CSGALNACT1: variants seen among roughly 807,000 people sequenced by gnomAD.
CSGALNACT1 encodes chondroitin sulfate N-acetylgalactosaminyltransferase 1.
A neutral mutation model predicts 51.0 loss-of-function variants in CSGALNACT1; 52 were observed. That is an observed-to-expected ratio of 1.02 (90% CI 0.82 to 1.29). The LOEUF is 1.29. CSGALNACT1 is among the 50% of genes most tolerant of loss of function. The pLI is 0.00. For missense variants in CSGALNACT1, 935 were observed against 679.2 expected, an observed-to-expected ratio of 1.38 and a Z score of -4.19; for synonymous variants, 341 against 254.4, an observed-to-expected ratio of 1.34 and a Z score of -3.24.
chr8:19,484,762 G>C (rs972770847), intron 4 of CSGALNACT1, among the ~76,000 whole-genome samples: 6 of 152,180 alleles, frequency 3.9e-5, no homozygotes, highest in Non-Finnish European at 7.3e-5. Flanking sequence ...AAGTACTTTT[G>C]TGGGCTTTTA....
intron 1 of CSGALNACT1, among the ~76,000 whole-genome samples, chr8:19,701,153 G>GTTTTTTGT (rs2061847152): frequency 2.1e-5 from 2 of 93,280 alleles, no homozygotes; most frequent in African/African-American, 8.2e-5. Flanking sequence ...TCTATTATCC[G>GTTTTTTGT]TTTTTTTTTT....
intron 1 of CSGALNACT1, among the ~76,000 whole-genome samples, chr8:19,656,438 T>G (rs939771202): frequency 3.9e-5 from 6 of 152,128 alleles, no homozygotes; most frequent in Non-Finnish European, 2.9e-5. Context: ...AACTTAGCAG[T>G]AGCAAACAAA....
intron 9 of CSGALNACT1, 94 bp from the exon 9 acceptor site, chr8:19,406,163 C>T: frequency 7.0e-7 from 1 of 1,431,838 alleles, no homozygotes; most frequent in South Asian, 1.2e-5. Flanking sequence ...TAAGACATGA[C>T]TGGGGGGGAT....
At chr8:19,519,173 C>G (rs1276213143) in intron 3 of CSGALNACT1, among the ~76,000 whole-genome samples, 2 of 152,142 alleles carry the variant, frequency 1.3e-5, no homozygotes, top group East Asian at 3.9e-4. Context: ...GTGACCTAGT[C>G]CTCTCGGGCA....
At chr8:19,654,584 A>T (rs2058098119) in intron 1 of CSGALNACT1, among the ~76,000 whole-genome samples, 1 of 152,052 alleles carries the variant, frequency 6.6e-6, no homozygotes, top group African/African-American at 2.4e-5. Context: ...TTGCTCTATA[A>T]CTCAGGCTGG....
At chr8:19,510,644 T>C (rs763388802) in intron 3 of CSGALNACT1, among the ~76,000 whole-genome samples, 8 of 152,112 alleles carry the variant, frequency 5.3e-5, no homozygotes, top group Non-Finnish European at 8.8e-5. Context: ...TTAAAATAGA[T>C]ATAAAGTGTT....
intron 5 of CSGALNACT1, among the ~76,000 whole-genome samples, chr8:19,440,305 G>A (rs1185232095): frequency 6.6e-6 from 1 of 152,114 alleles, no homozygotes. Flanking sequence ...GAACATTGAT[G>A]CAAAAATCCT....
chr8:19,404,849 C>T, exon 10 of CSGALNACT1: 1 of 454,422 alleles, frequency 2.2e-6, no homozygotes, highest in Non-Finnish European at 4.4e-6. Flanking sequence ...TTTTCTTTTC[C>T]TCCAGTGTTC....
chr8:19,533,866 A>T (rs1449636225), intron 3 of CSGALNACT1, among the ~76,000 whole-genome samples: 2 of 152,036 alleles, frequency 1.3e-5, no homozygotes, highest in Non-Finnish European at 2.9e-5. Context: ...TAGATTTTTT[A>T]AAAGGGTCAA....
At chr8:19,410,684 C>A (rs138400467) in intron 8 of CSGALNACT1, among the ~76,000 whole-genome samples, 1 of 152,134 alleles carries the variant, frequency 6.6e-6, no homozygotes, top group African/African-American at 2.4e-5. Context: ...ATGGGAACAG[C>A]GTGATGGAGG....
rs202161653 is a variant in CSGALNACT1, at chr8:19,408,644, C to G, written c.1278G>C (p.Thr426=). ...TGATGAAGTCTGACCGATACTGACA[C>G]GTCATCCCAAATCCAAAGTCTCTCC... Residue 426 remains threonine, a synonymous_variant, in exon 9 of 10, where the codon ACG becomes ACC. Transcript: ENST00000454498. 2.7e-5 allele frequency: 43 copies of G among 1,613,726 alleles called. No individual in the cohort carries two copies. The South Asian group carries it at 4.2e-4, about 16-fold the overall frequency.
chr8:19,621,604 C>A (rs1306043357), intron 1 of CSGALNACT1, among the ~76,000 whole-genome samples: 2 of 152,002 alleles, frequency 1.3e-5, no homozygotes, highest in Non-Finnish European at 1.5e-5. Flanking sequence ...TGGCAAGACC[C>A]AGTCTCTACA....
chr8:19,733,157 T>C (rs887844290), intron 1 of CSGALNACT1, among the ~76,000 whole-genome samples: 1 of 152,190 alleles, frequency 6.6e-6, no homozygotes, highest in African/African-American at 2.4e-5. Context: ...TGTAACAAAA[T>C]ATTGTTTTCT....
chr8:19,436,495 C>T (rs2153740822), intron 6 of CSGALNACT1, among the ~76,000 whole-genome samples: 1 of 152,252 alleles, frequency 6.6e-6, no homozygotes, highest in South Asian at 2.1e-4. Flanking sequence ...ATATTAAATA[C>T]TATAATTTAT....
At chr8:19,695,005 G>C (rs2061514652) in intron 1 of CSGALNACT1, among the ~76,000 whole-genome samples, 1 of 152,110 alleles carries the variant, frequency 6.6e-6, no homozygotes, top group African/African-American at 2.4e-5. Flanking sequence ...TCATGAGGCA[G>C]CACAGGCCCC....
At position 19,443,296 on chromosome 8, in the gene CSGALNACT1, G is replaced by A. The variant is rs144917079; in HGVS notation, c.852-3365C>T. Among the ~76,000 whole-genome samples the A allele has an allele frequency of 3.3e-5, 5 of 152,330 alleles. No individual in the cohort carries two copies. The East Asian group carries it at 7.7e-4, about 24-fold the overall frequency. ...TATATGTGCATGTAAATGTATGTAT[G>A]TGTAGATATGTAAATATATGCAAGT... On this transcript the variant is annotated intron_variant, in intron 5 of 9. Coordinates refer to ENST00000454498, the Ensembl canonical transcript of CSGALNACT1.
chr8:19,421,504 C>T (rs551510899), intron 6 of CSGALNACT1, among the ~76,000 whole-genome samples: 22 of 152,298 alleles, frequency 1.4e-4, no homozygotes, highest in African/African-American at 5.3e-4. Flanking sequence ...TTCCTGTCAA[C>T]GACACCCTTC....
intron 1 of CSGALNACT1, among the ~76,000 whole-genome samples, chr8:19,745,835 T>C (rs1216892456): frequency 6.6e-6 from 1 of 152,120 alleles, no homozygotes; most frequent in East Asian, 1.9e-4. Flanking sequence ...GGCATCTCCC[T>C]GACCCACTAA....
intron 6 of CSGALNACT1, among the ~76,000 whole-genome samples, chr8:19,436,247 T>C (rs761932411): frequency 1.3e-5 from 2 of 152,236 alleles, no homozygotes; most frequent in African/African-American, 4.8e-5. Flanking sequence ...ATAAATTTCA[T>C]TTAGTGTGAC....
Sources: allele counts gnomAD v4.1 joint callset (sites outside exome capture counted in the v4.1 genomes callset), GRCh38; gene constraint gnomAD v4.1.1; transcripts MANE v1.5; gene names NCBI Gene and HGNC (gene_info 2026-07-23, HGNC 2026-07-21).